The following TTBK1 variants were observed in gnomAD, a reference collection of about 807,000 sequenced individuals.
TTBK1 encodes tau tubulin kinase 1, also known as tau-tubulin kinase 1.
TTBK1 carries 34 observed loss-of-function variants against 108.5 expected under a neutral mutation model. The ratio of observed to expected loss-of-function variants is 0.31; its 90% CI spans 0.24 to 0.42. TTBK1 has a LOEUF of 0.42. Ranked by LOEUF, TTBK1 falls within the 10% of genes least tolerant of loss-of-function variation. TTBK1 has a pLI of 1.00. For synonymous variants in TTBK1, 809 were observed against 795.1 expected, an observed-to-expected ratio of 1.02 and a Z score of -0.29; for missense variants, 1,539 against 1,826.0, an observed-to-expected ratio of 0.84 and a Z score of 2.86.
chr6:43,259,351 C>T lies in TTBK1; in HGVS notation c.1248+82C>T. The T allele has an allele frequency of 7.5e-7, 1 of 1,335,250 alleles. No homozygotes were observed. The highest frequency in any genetic ancestry group is 1.0e-6 in the Non-Finnish European group (1 of 983,818). The allele number at this position is 1,335,250 out of a possible 1,614,324, so 82.7% of individuals were successfully genotyped here. On this transcript the variant is annotated intron_variant, in intron 11 of 14. Transcript: ENST00000259750. This position sits in a 1 kb window ranked among gnomAD's most constrained non-coding sequence, Gnocchi z 6.7. ...AGCCTTGTGCCCCTGCCCTGTTCCTCCTAAGCACCCTGTCCCCGGCCATCT... is the reference window on the plus strand; with the variant it reads ...AGCCTTGTGCCCCTGCCCTGTTCCTTCTAAGCACCCTGTCCCCGGCCATCT...
chr6:43,245,242 C>T (rs2150677693), intron 1 of TTBK1, among the ~76,000 whole-genome samples: 1 of 152,266 alleles, frequency 6.6e-6, no homozygotes, highest in East Asian at 1.9e-4. Context: ...TAGCCACCTT[C>T]CTCCCCCGAC....
In TTBK1 at chr6:43,257,988, C is replaced by G; in HGVS notation, c.1016+22C>G. 6.2e-7 allele frequency: 1 copy of G among 1,606,150 alleles called. No homozygotes were observed. The highest frequency in any genetic ancestry group is 8.5e-7 in the Non-Finnish European group (1 of 1,176,704). Reference sequence around the variant, plus strand: ...TTGGGTGAGTCTCAGGAAGGCGAGCCACCAGCCCCTGCCTGGAGCTGTTAC... The same window carrying G: ...TTGGGTGAGTCTCAGGAAGGCGAGCGACCAGCCCCTGCCTGGAGCTGTTAC... On this transcript the variant is annotated intron_variant, in intron 10 of 14. Coordinates refer to ENST00000259750, the MANE Select transcript of TTBK1 (RefSeq NM_032538.3). The surrounding 1 kb of genome is among the most constrained non-coding windows in gnomAD (Gnocchi z 4.5).
intron 1 of TTBK1, among the ~76,000 whole-genome samples, chr6:43,245,448 A>G (rs1435377767): frequency 6.6e-6 from 1 of 152,200 alleles, no homozygotes; most frequent in East Asian, 1.9e-4. Context: ...TTGCCTACAC[A>G]CATGCATATC....
At chr6:43,248,978 A>T (rs1014878348) in intron 2 of TTBK1, among the ~76,000 whole-genome samples, 1 of 152,140 alleles carries the variant, frequency 6.6e-6, no homozygotes, top group Non-Finnish European at 1.5e-5. Flanking sequence ...GAACTTACCA[A>T]GTAGATTTGT....
chr6:43,272,301 C>T (rs1777855408), intron 13 of TTBK1: 1 of 985,492 alleles, frequency 1.0e-6, no homozygotes, highest in South Asian at 4.7e-5. Context: ...AGCTCCATCT[C>T]AGTGACCAGA....
At position 43,254,634 on chromosome 6, in the gene TTBK1, A is replaced by G. The variant is rs753189687; in HGVS notation, c.559A>G (p.Thr187Ala). ...GCTGGCCCGGCAGTACACCAACACC[A>G]CGGGGGATGTGCGGCCCGTGAGTAC... is the stretch of plus-strand genomic sequence containing the variant. ...FGLARQYTNT[T>A]GDVRPPRNVA... Residue 187 changes from threonine (T) to alanine (A), a missense_variant, in exon 6 of 15, where the codon ACG becomes GCG. Thr to Ala is a moderately conservative substitution (Grantham distance 58, BLOSUM62 0). Around this residue, in one of 5 missense-constraint regions of TTBK1, gnomAD observed 155 missense variants for 348.5 expected, o/e 0.44. Coordinates refer to ENST00000259750, the MANE Select transcript of TTBK1 (RefSeq NM_032538.3). The G allele has an allele frequency of 6.3e-7, 1 of 1,583,754 alleles. No homozygotes were observed. The highest frequency in any genetic ancestry group is 1.2e-5 in the South Asian group (1 of 86,226).
At chr6:43,256,478 C>A (rs948297529) in intron 9 of TTBK1, among the ~76,000 whole-genome samples, 1 of 151,970 alleles carries the variant, frequency 6.6e-6, no homozygotes, top group African/African-American at 2.4e-5. Context: ...GTGGCTCACA[C>A]CTGTAATCCC....
chr6:43,260,564 G>T (rs150107010), intron 12 of TTBK1, among the ~76,000 whole-genome samples: 1 of 152,278 alleles, frequency 6.6e-6, no homozygotes, highest in East Asian at 1.9e-4. Context: ...GCTTACGTAG[G>T]ACTGAAGACC....
intron 13 of TTBK1, chr6:43,272,728 G>A (rs947380263): frequency 1.4e-5 from 14 of 970,416 alleles, no homozygotes; most frequent in Non-Finnish European, 1.7e-5. Context: ...GTGAAGCTCG[G>A]CAGAGCTTCA....
intron 2 of TTBK1, among the ~76,000 whole-genome samples, chr6:43,251,008 A>G (rs1187356958): frequency 1.3e-5 from 2 of 152,164 alleles, no homozygotes; most frequent in African/African-American, 4.8e-5. Flanking sequence ...TCTCTAAGAG[A>G]AAGGAATTCT....
chr6:43,277,700 G>A (rs1034071831), intron 13 of TTBK1, among the ~76,000 whole-genome samples: 2 of 152,230 alleles, frequency 1.3e-5, no homozygotes, highest in Non-Finnish European at 2.9e-5. Context: ...GGGTGGAGTG[G>A]AGGGAGGGCT....
intron 13 of TTBK1, among the ~76,000 whole-genome samples, chr6:43,278,052 G>A (rs1042288193): frequency 1.3e-5 from 2 of 152,146 alleles, no homozygotes; most frequent in Non-Finnish European, 2.9e-5. Flanking sequence ...ACTGTGGGCC[G>A]GGGTGCAGTG....
chr6:43,270,214 T>C (rs937981744), intron 13 of TTBK1: 6 of 1,303,528 alleles, frequency 4.6e-6, no homozygotes, highest in East Asian at 6.7e-5. Flanking sequence ...TGGTACAGTT[T>C]CCAGGACAGG....
At chr6:43,267,580 G>A (rs1336758771) in intron 13 of TTBK1, among the ~76,000 whole-genome samples, 1 of 152,232 alleles carries the variant, frequency 6.6e-6, no homozygotes, top group Non-Finnish European at 1.5e-5. Context: ...CAGTGTGAAA[G>A]CAGGCACAAT....
Position 43,257,747 on chromosome 6 carries a change from G to A in TTBK1, c.862-65G>A. ...TCTTCCTCCTATGATCCCAGCAACT[G>A]CCCCTTCCTCCTGGCTAGCCCCCGG... On this transcript the variant is annotated intron_variant, in intron 9 of 14. Transcript: ENST00000259750. This position sits in a 1 kb window ranked among gnomAD's most constrained non-coding sequence, Gnocchi z 4.5. 1 of 1,536,136 alleles carries A rather than the reference G, an allele frequency of 6.5e-7. No homozygotes were observed.
chr6:43,272,107 C>T (rs1777849687), intron 13 of TTBK1: 1 of 985,532 alleles, frequency 1.0e-6, no homozygotes, highest in African/African-American at 1.7e-5. Flanking sequence ...CTCCTCTTGC[C>T]CTCTTCCCAT....
In TTBK1 at chr6:43,255,241, C is replaced by G; in HGVS notation, c.642+127C>G. ...GGCTGCAATCTGCCACCCCAGAGAC[C>G]CTGGGCTGGAGGAAGGCCCCTCTGT... is the stretch of plus-strand genomic sequence containing the variant. On this transcript the variant is annotated intron_variant, in intron 7 of 14. Coordinates refer to ENST00000259750, the MANE Select transcript of TTBK1 (RefSeq NM_032538.3). The G allele has an allele frequency of 1.6e-5, 14 of 897,048 alleles. No homozygotes were observed. In the South Asian group the frequency reaches 1.9e-4, roughly 12 times the overall value. The allele number at this position is 897,048 out of a possible 1,614,324, so 55.6% of individuals were successfully genotyped here. A position where few individuals can be genotyped will look rare whatever the true frequency, so the allele number is the denominator to read the frequency against.
rs752667599 is a variant in TTBK1, at chr6:43,269,554, G to A, written c.1986+6204G>A. 62 of 1,385,878 alleles carry A rather than the reference G, an allele frequency of 4.5e-5. No individual in the cohort carries two copies. The highest frequency in any genetic ancestry group is 5.6e-5 in the Non-Finnish European group (59 of 1,059,740). The allele number at this position is 1,385,878 out of a possible 1,614,324, so 85.8% of individuals were successfully genotyped here. A position where few individuals can be genotyped will look rare whatever the true frequency, so the allele number is the denominator to read the frequency against. The stretch of plus-strand genomic sequence containing the variant: ...CTTGCCCGGGACGCCGGCGCCGCAG[G>A]GGCTGTGAGCGGTGGGTGGCCCCGG... On this transcript the variant is annotated intron_variant, in intron 13 of 14. Transcript: ENST00000259750. This position sits in a 1 kb window ranked among gnomAD's most constrained non-coding sequence, Gnocchi z 4.8.
At chr6:43,254,674 G>C in intron 6 of TTBK1, 23 bp downstream of exon 6, 2 of 1,519,684 alleles carry the variant, frequency 1.3e-6, no homozygotes, top group South Asian at 2.6e-5. Context: ...GGGGCGGGGA[G>C]GACAGTGGAG....
Sources: allele counts gnomAD v4.1 joint callset (sites outside exome capture counted in the v4.1 genomes callset), GRCh38; gene constraint gnomAD v4.1.1; regional missense constraint gnomAD v4.1.1; non-coding constraint Gnocchi (gnomAD v3.1); transcripts MANE v1.5; gene names NCBI Gene and HGNC (gene_info 2026-07-23, HGNC 2026-07-21).